The following NAV2 variants were observed in gnomAD, a reference collection of about 807,000 sequenced individuals.
NAV2 encodes the protein helicase, APC down-regulated 1.
A neutral mutation model predicts 223.2 loss-of-function variants in NAV2; 54 were observed. The ratio of observed to expected loss-of-function variants is 0.24; its 90% confidence interval spans 0.19 to 0.30. NAV2 has a LOEUF of 0.30. Among genes scored for constraint, NAV2 ranks in the 10% least tolerant of loss-of-function variants. NAV2 has a pLI of 1.00. For synonymous variants in NAV2, 1,279 were observed against 1,239.3 expected (o/e 1.03, Z -0.67); for missense variants, 2,806 against 3,147.5 (o/e 0.89, Z 2.60).
chr11:19,512,670 C>T (rs1214178972), intron 1 of NAV2, among the ~76,000 whole-genome samples: 1 of 152,206 alleles, frequency 6.6e-6, no homozygotes, highest in Non-Finnish European at 1.5e-5. Flanking sequence ...AAGCCACTTT[C>T]CTGTTTCACC....
At chr11:19,492,598 G>T (rs890562692) in intron 1 of NAV2, among the ~76,000 whole-genome samples, 1 of 152,090 alleles carries the variant, frequency 6.6e-6, no homozygotes, top group African/African-American at 2.4e-5. Flanking sequence ...CACAGTATCA[G>T]CTCTGCCCAC....
chr11:19,878,618 G>A (rs77938542), intron 4 of NAV2, among the ~76,000 whole-genome samples: 1,619 of 152,294 alleles, frequency 0.011, 32 homozygotes, highest in African/African-American at 0.036. Flanking sequence ...CTGGATTCTA[G>A]AAGTTCGTAT....
intron 1 of NAV2, among the ~76,000 whole-genome samples, chr11:19,395,097 T>C (rs1849396194): frequency 6.6e-6 from 1 of 152,196 alleles, no homozygotes; most frequent in South Asian, 2.1e-4. Context: ...AATCTTCTGG[T>C]GCTGTGCTTT....
chr11:19,544,331 G>C (rs892041873), intron 1 of NAV2, among the ~76,000 whole-genome samples: 1 of 152,172 alleles, frequency 6.6e-6, no homozygotes, highest in Non-Finnish European at 1.5e-5. Context: ...CTGTAAGACA[G>C]ACACAGGTTT....
At chr11:19,419,494 G>A (rs1244795813) in intron 1 of NAV2, among the ~76,000 whole-genome samples, 3 of 152,172 alleles carry the variant, frequency 2.0e-5, no homozygotes, top group Non-Finnish European at 4.4e-5. Context: ...CCCTTTCTGC[G>A]CTTTGCTTGG....
chr11:19,685,957 C>A (rs1231410532), intron 1 of NAV2, among the ~76,000 whole-genome samples: 1 of 146,396 alleles, frequency 6.8e-6, no homozygotes, highest in African/African-American at 2.5e-5. Flanking sequence ...TAAAACTCTC[C>A]AGAGGCTTCT....
At chr11:19,352,942 C>T (rs1480589914) in intron 1 of NAV2, among the ~76,000 whole-genome samples, 2 of 152,058 alleles carry the variant, frequency 1.3e-5, no homozygotes, top group Admixed American at 6.6e-5. Context: ...ACATACACCC[C>T]ATTTGCGTCA....
At chr11:19,527,528 A>G (rs544202294) in intron 1 of NAV2, among the ~76,000 whole-genome samples, 26 of 152,016 alleles carry the variant, frequency 1.7e-4, no homozygotes, top group African/African-American at 6.3e-4. Flanking sequence ...CACCAGTCCA[A>G]TGAGCTTCAA....
chr11:19,885,010 C>T (rs4424653), intron 5 of NAV2, among the ~76,000 whole-genome samples: 7,389 of 152,272 alleles, frequency 0.049, 251 homozygotes, highest in Middle Eastern at 0.082. Context: ...CAGACTTCAA[C>T]CTGTCTGCTG....
At position 19,569,194 on chromosome 11, in the gene NAV2, G is replaced by A. The variant is rs138624666; in HGVS notation, c.75+218167G>A. Among the ~76,000 whole-genome samples the A allele has an allele frequency of 2.0e-4, 30 of 152,344 alleles. No individual in the cohort carries two copies. The East Asian group carries it at 5.4e-3, about 27-fold the overall frequency. On this transcript the variant is annotated intron_variant, in intron 1 of 37. Coordinates refer to the NAV2 transcript ENST00000360655. ...AAATTAGCAAATACACCTGCAAGAT[G>A]TCAAGGAGCTGTATCCCTCCCTGCC... is the stretch of plus-strand genomic sequence containing the variant.
intron 3 of NAV2, among the ~76,000 whole-genome samples, chr11:19,846,665 G>A (rs1460653605): frequency 6.6e-6 from 1 of 152,210 alleles, no homozygotes; most frequent in Non-Finnish European, 1.5e-5. Flanking sequence ...TGACTCTGCT[G>A]TGGGCTGGCA....
At chr11:20,096,407 C>G (rs2061268140) in intron 30 of NAV2, among the ~76,000 whole-genome samples, 1 of 152,130 alleles carries the variant, frequency 6.6e-6, no homozygotes, top group South Asian at 2.1e-4. Context: ...TTTCTATTGT[C>G]CTGAAGTAAG....
intron 5 of NAV2, chr11:19,884,154 G>T (rs755662110): frequency 6.9e-5 from 41 of 597,652 alleles, no homozygotes; most frequent in Non-Finnish European, 1.1e-4. Context: ...AAAGAAAGCT[G>T]TGTGTCATAG....
At chr11:19,772,864 A>T (rs1255614362) in intron 1 of NAV2, among the ~76,000 whole-genome samples, 1 of 152,184 alleles carries the variant, frequency 6.6e-6, no homozygotes, top group Non-Finnish European at 1.5e-5. Flanking sequence ...GAAAGAGTGG[A>T]AGACCCCTGT....
intron 11 of NAV2, among the ~76,000 whole-genome samples, chr11:20,028,787 T>A (rs1300897133): frequency 6.6e-6 from 1 of 152,156 alleles, no homozygotes; most frequent in African/African-American, 2.4e-5. Context: ...CAGTGGTGGC[T>A]TTAAGTATTA....
intron 1 of NAV2, among the ~76,000 whole-genome samples, chr11:19,554,515 C>T (rs962587542): frequency 2.0e-5 from 3 of 152,292 alleles, no homozygotes; most frequent in East Asian, 3.9e-4. Context: ...CTAGTAGAGG[C>T]GCCTCAAGGA....
chr11:19,768,106 A>C (rs1458832169), intron 1 of NAV2, among the ~76,000 whole-genome samples: 1 of 152,264 alleles, frequency 6.6e-6, no homozygotes, highest in Non-Finnish European at 1.5e-5. Flanking sequence ...TATGAAGAGC[A>C]GACACATGTG....
chr11:19,945,582 C>T (rs868349773), intron 8 of NAV2, among the ~76,000 whole-genome samples: 67 of 152,276 alleles, frequency 4.4e-4, no homozygotes, highest in African/African-American at 1.5e-3. Context: ...TGGGCTCAAG[C>T]GATCTGCCCA....
intron 1 of NAV2, among the ~76,000 whole-genome samples, chr11:19,573,639 T>G (rs1487202): frequency 0.4 from 61,079 of 152,002 alleles, 12,991 homozygotes; most frequent in East Asian, 0.68. Context: ...GAAAGCTAGG[T>G]CTTAGAGAGA....
Sources: gnomAD v4.1 joint callset for allele counts (sites outside exome capture counted in the v4.1 genomes callset) on GRCh38, gnomAD v4.1.1 for gene constraint, MANE v1.5 for transcripts, NCBI Gene and HGNC (gene_info 2026-07-23, HGNC 2026-07-21) for gene names.